Variants in ANKRD44 observed in about 807,000 individuals in gnomAD.
ANKRD44 encodes serine/threonine-protein phosphatase 6 regulatory ankyrin repeat subunit B.
ANKRD44 carries 35 observed loss-of-function variants against 116.0 expected under a neutral mutation model. The ratio of observed to expected loss-of-function variants is 0.30; its 90% confidence interval spans 0.23 to 0.40. ANKRD44 has a LOEUF of 0.40. Among genes scored for constraint, ANKRD44 ranks in the 10% least tolerant of loss-of-function variants. The pLI is 1.00. For synonymous variants in ANKRD44, 435 were observed against 461.8 expected (o/e 0.94, Z 0.74); for missense variants, 1,014 against 1,242.6 (o/e 0.82, Z 2.77).
intron 2 of ANKRD44, among the ~76,000 whole-genome samples, chr2:197,162,485 C>T (rs980391298): frequency 3.3e-5 from 5 of 152,198 alleles, no homozygotes; most frequent in Admixed American, 6.5e-5. Flanking sequence ...GAGTCTCAGA[C>T]GGAAATGTAG....
intron 17 of ANKRD44, among the ~76,000 whole-genome samples, chr2:197,023,663 C>T (rs191332803): frequency 7.5e-4 from 114 of 152,218 alleles, no homozygotes; most frequent in African/African-American, 2.7e-3. Context: ...GCAGTCAAAC[C>T]CACTTTCTTG....
At position 197,310,626 on chromosome 2, in the gene ANKRD44, C is replaced by T; in HGVS notation, c.-22G>A. Reference sequence around the variant, plus strand: ...CCATTCTTCCGCTCCTTCGCGCGCACACACATGCAGGTCCCCGGCCCGCAG... The same window carrying T: ...CCATTCTTCCGCTCCTTCGCGCGCATACACATGCAGGTCCCCGGCCCGCAG... On this transcript the variant is annotated 5_prime_UTR_variant, in exon 1 of 28. In the 5' UTR this introduces an upstream ATG that the reference lacks. Coordinates refer to ENST00000282272, the MANE Select transcript of ANKRD44 (RefSeq NM_001195144.2). 1 of 1,334,218 alleles carries T rather than the reference C, an allele frequency of 7.5e-7. No homozygotes were observed. Among genetic ancestry groups the T allele is most frequent in the East Asian group, 3.9e-5 (1 of 25,842 alleles). 82.6% of individuals were successfully genotyped at this position (1,334,218 alleles called of 1,614,324 possible). A position where few individuals can be genotyped will look rare whatever the true frequency, so the allele number is the denominator to read the frequency against.
At chr2:197,153,269 AGAAGAG>A (rs1293655300) in intron 2 of ANKRD44, among the ~76,000 whole-genome samples, 1 of 150,552 alleles carries the variant, frequency 6.6e-6, no homozygotes, top group Admixed American at 6.6e-5. Flanking sequence ...AAGAAGAGGA[AGAAGAG>A]GAAGAGGAAG....
chr2:197,030,819 T>G (rs959183389), intron 16 of ANKRD44, among the ~76,000 whole-genome samples: 1 of 152,138 alleles, frequency 6.6e-6, no homozygotes, highest in African/African-American at 2.4e-5. Context: ...CTTTTGTTGT[T>G]GGTGGTGGTG....
intron 13 of ANKRD44, among the ~76,000 whole-genome samples, chr2:197,084,284 T>C (rs1021657599): frequency 2.6e-5 from 4 of 152,120 alleles, no homozygotes; most frequent in African/African-American, 9.7e-5. Flanking sequence ...TTTGTCCAGG[T>C]TGGTTTAGCC....
intron 1 of ANKRD44, among the ~76,000 whole-genome samples, chr2:197,216,678 AACTGGAAG>A (rs2081451390): frequency 1.3e-5 from 2 of 152,100 alleles, no homozygotes; most frequent in African/African-American, 4.8e-5. Flanking sequence ...CCCCTTCTAT[AACTGGAAG>A]ACAGTAGACT....
chr2:197,154,425 C>T (rs1163751055), intron 2 of ANKRD44, among the ~76,000 whole-genome samples: 2 of 151,902 alleles, frequency 1.3e-5, no homozygotes, highest in African/African-American at 2.4e-5. Flanking sequence ...GTGATCCGCC[C>T]GCCTCGGCCT....
At chr2:197,198,881 C>G (rs970403613) in intron 1 of ANKRD44, 15 of 152,242 alleles carry the variant, frequency 9.9e-5, no homozygotes, top group African/African-American at 3.4e-4. Context: ...GAGTGGCTGC[C>G]TACATTCAAA....
intron 4 of ANKRD44, among the ~76,000 whole-genome samples, chr2:197,132,381 T>C (rs1378240508): frequency 1.3e-5 from 2 of 152,242 alleles, no homozygotes; most frequent in African/African-American, 4.8e-5. Context: ...TACTTTCTTG[T>C]CTATGGAGGA....
chr2:197,134,390 T>C (rs1352732487), intron 4 of ANKRD44: 1 of 152,220 alleles, frequency 6.6e-6, no homozygotes, highest in Non-Finnish European at 1.5e-5. Flanking sequence ...AGTGATTCTT[T>C]TTTCCTCCCT....
intron 2 of ANKRD44, among the ~76,000 whole-genome samples, chr2:197,160,321 C>A (rs1270211730): frequency 6.6e-6 from 1 of 152,086 alleles, no homozygotes; most frequent in Non-Finnish European, 1.5e-5. Flanking sequence ...TGTGGCTTAT[C>A]CCAATTTTTT....
intron 2 of ANKRD44, among the ~76,000 whole-genome samples, chr2:197,167,638 G>C (rs2080129424): frequency 6.6e-6 from 1 of 152,186 alleles, no homozygotes; most frequent in South Asian, 2.1e-4. Context: ...TCCAGGTGAT[G>C]TTTTTAAATA....
At chr2:197,025,889 A>G (rs542669832) in intron 16 of ANKRD44, among the ~76,000 whole-genome samples, 1 of 152,344 alleles carries the variant, frequency 6.6e-6, no homozygotes, top group Admixed American at 6.5e-5. Flanking sequence ...CAAACATGGT[A>G]AGATCAAGGA....
rs1343054613 is a variant in ANKRD44 at position 197,256,278 on chromosome 2, G to A, written c.27+54300C>T. ...TCTAAATCACTAGGTGTCTAAACTT[G>A]ACAACAGTTAAAACTAGATCCCTAA... On this transcript the variant is annotated intron_variant, in intron 1 of 27. Coordinates refer to ENST00000282272, the MANE Select transcript of ANKRD44 (RefSeq NM_001195144.2). 2.0e-5 allele frequency among the ~76,000 whole-genome samples: 3 copies of A among 152,258 alleles called. No homozygotes were observed. The East Asian group carries it at 5.8e-4, about 29-fold the overall frequency.
At chr2:197,026,546 G>T (rs756760302) in intron 16 of ANKRD44, among the ~76,000 whole-genome samples, 1 of 152,224 alleles carries the variant, frequency 6.6e-6, no homozygotes, top group Non-Finnish European at 1.5e-5. Context: ...GGAGGCTGGA[G>T]CCAAGTGAGC....
At chr2:197,213,152 C>G (rs559329899) in intron 1 of ANKRD44, among the ~76,000 whole-genome samples, 2 of 152,186 alleles carry the variant, frequency 1.3e-5, no homozygotes, top group East Asian at 3.8e-4. Flanking sequence ...CTACCTCACA[C>G]ATATAGGGGC....
At chr2:197,155,522 G>A (rs535220597) in intron 2 of ANKRD44, among the ~76,000 whole-genome samples, 1 of 152,330 alleles carries the variant, frequency 6.6e-6, no homozygotes, top group East Asian at 1.9e-4. Context: ...TGATTTCAGA[G>A]CTTATTATAA....
chr2:197,212,743 A>G lies in ANKRD44; in HGVS notation c.28-25637T>C, dbSNP rs2081352578. 6.6e-6 allele frequency among the ~76,000 whole-genome samples: 1 copy of G among 152,172 alleles called. No individual in the cohort carries two copies. Among genetic ancestry groups the G allele is most frequent in the African/African-American group, 2.4e-5 (1 of 41,432 alleles). On this transcript the variant is annotated intron_variant, in intron 1 of 27. Transcript: ENST00000282272. This position sits in a 1 kb window ranked among gnomAD's most constrained non-coding sequence, Gnocchi z 4.8. ...GTCATGTCAGACATGTTTTTGCTCA[A>G]AAGAATTCAGTTAACACCCACAAGG...
At position 197,212,208 on chromosome 2, in the gene ANKRD44, C is replaced by T. The variant is rs2081343555; in HGVS notation, c.28-25102G>A. On this transcript the variant is annotated intron_variant, in intron 1 of 27. Coordinates refer to ENST00000282272, the MANE Select transcript of ANKRD44 (RefSeq NM_001195144.2). This position sits in a 1 kb window ranked among gnomAD's most constrained non-coding sequence, Gnocchi z 4.8. ...CAGTACTAGAGCCAAGAGTTTGCAA[C>T]CAGGCAGATAGGGATCCAGTGGGAG... Among the ~76,000 whole-genome samples the T allele has an allele frequency of 6.6e-6, 1 of 152,076 alleles. No homozygotes were observed. Among genetic ancestry groups the T allele is most frequent in the Non-Finnish European group, 1.5e-5 (1 of 68,020 alleles).
Sources: allele counts gnomAD v4.1 joint callset (sites outside exome capture counted in the v4.1 genomes callset), GRCh38; gene constraint gnomAD v4.1.1; non-coding constraint Gnocchi (gnomAD v3.1); transcripts MANE v1.5; gene names NCBI Gene and HGNC (gene_info 2026-07-23, HGNC 2026-07-21).